RET: variants seen among roughly 807,000 people sequenced by gnomAD.
RET encodes proto-oncogene tyrosine-protein kinase receptor Ret.
A neutral mutation model predicts 118.3 loss-of-function variants in RET; 19 were observed. The ratio of observed to expected loss-of-function variants is 0.16; its 90% CI spans 0.11 to 0.24. The LOEUF (loss-of-function observed/expected upper bound fraction) is 0.24. Among genes scored for constraint, RET ranks in the 10% least tolerant of loss-of-function variants. RET has a pLI of 1.00. For synonymous variants in RET, 597 were observed against 644.1 expected (o/e 0.93, Z 1.11); for missense variants, 1,219 against 1,502.1 (o/e 0.81, Z 3.12).
chr10:43,083,437 T>C (rs1837228650), intron 1 of RET, among the ~76,000 whole-genome samples: 4 of 152,218 alleles, frequency 2.6e-5, no homozygotes, highest in Admixed American at 2.6e-4. Context: ...GCATGGCCCT[T>C]ACCCACTGGG....
intron 12 of RET, among the ~76,000 whole-genome samples, chr10:43,117,107 A>G (rs1838090231): frequency 1.3e-5 from 2 of 151,754 alleles, no homozygotes; most frequent in Non-Finnish European, 2.9e-5. Context: ...ATCTCAAGAG[A>G]CCCCCATGGG....
chr10:43,105,464 C>G (rs1837749041), intron 4 of RET, among the ~76,000 whole-genome samples: 1 of 152,078 alleles, frequency 6.6e-6, no homozygotes, highest in Non-Finnish European at 1.5e-5. Context: ...TGCAGGCGGG[C>G]GCGGCGCGCT....
intron 1 of RET, among the ~76,000 whole-genome samples, chr10:43,094,992 C>T (rs767554172): frequency 4.6e-5 from 7 of 152,070 alleles, no homozygotes; most frequent in Non-Finnish European, 1.0e-4. Flanking sequence ...GCAGTAACAT[C>T]AGAGGCACTA....
chr10:43,123,571 G>A (rs1588879428), intron 16 of RET, 100 bp from the exon 17 acceptor site: 1 of 1,493,752 alleles, frequency 6.7e-7, no homozygotes, highest in Non-Finnish European at 9.3e-7. Flanking sequence ...AAGCCGACAG[G>A]GTCAGCAGGT....
intron 7 of RET, among the ~76,000 whole-genome samples, chr10:43,111,821 TC>T (rs1564494701): frequency 6.6e-6 from 1 of 152,200 alleles, no homozygotes; most frequent in African/African-American, 2.4e-5. Context: ...GAAATGTAGG[TC>T]CCACAGGGCG....
intron 9 of RET, 103 bp from the exon 10 acceptor site, chr10:43,113,453 A>G: frequency 7.3e-7 from 1 of 1,367,050 alleles, no homozygotes; most frequent in Non-Finnish European, 9.7e-7. Flanking sequence ...TATGCTTGCG[A>G]CACCAGTTGG....
chr10:43,100,979 C>G (rs186842483), intron 2 of RET, among the ~76,000 whole-genome samples: 1 of 152,346 alleles, frequency 6.6e-6, no homozygotes, highest in African/African-American at 2.4e-5. Context: ...CTGCCAGACC[C>G]GAATCCCTCT....
intron 16 of RET, 151 bp from the exon 17 acceptor site, chr10:43,123,520 G>A (rs1838263034): frequency 9.4e-7 from 1 of 1,064,328 alleles, no homozygotes; most frequent in African/African-American, 1.6e-5. Flanking sequence ...ATCCATCTGA[G>A]CAGCCAGACC....
chr10:43,123,890 C>T (rs1838273433), intron 17 of RET, 82 bp downstream of exon 17: 1 of 1,600,676 alleles, frequency 6.2e-7, no homozygotes, highest in Admixed American at 1.7e-5. Flanking sequence ...TCCAGAGCAG[C>T]CCCAGGAGAA....
chr10:43,118,352 C>G (rs758761904), intron 12 of RET, 21 bp from the exon 13 acceptor site: 1 of 1,597,290 alleles, frequency 6.3e-7, no homozygotes, highest in Non-Finnish European at 8.6e-7. Flanking sequence ...CGTTTGCAAC[C>G]TGCTCTGTGC....
intron 2 of RET, among the ~76,000 whole-genome samples, chr10:43,101,399 T>G (rs1837639982): frequency 6.6e-6 from 1 of 152,224 alleles, no homozygotes. Context: ...AGGCTATGAA[T>G]GCAGAGCAGG....
chr10:43,107,559 T>TCACACACA lies in RET; in HGVS notation c.1063+1024_1063+1031dup, dbSNP rs59876947. 3.5e-3 allele frequency among the ~76,000 whole-genome samples: 498 copies of TCACACACA among 140,810 alleles called. 1 individual carries two copies. Among genetic ancestry groups the TCACACACA allele is most frequent in the Non-Finnish European group, 5.0e-3 (328 of 65,042 alleles). 92.4% of individuals were successfully genotyped at this position (140,810 alleles called of 152,430 possible). The stretch of plus-strand genomic sequence containing the variant: ...ATGTAGACCTTTAACCCCCCATGCC[T>TCACACACA]CACACACACACACACACACACACAC... On this transcript the variant is annotated intron_variant, in intron 5 of 19. Coordinates refer to ENST00000355710, the MANE Select transcript of RET (RefSeq NM_020975.6).
Position 43,116,681 on chromosome 10 carries a change from A to C in RET, c.2234A>C (p.His745Pro), listed in dbSNP as rs534094626. 6.2e-7 allele frequency: 1 copy of C among 1,612,618 alleles called. No homozygotes were observed. Among genetic ancestry groups the C allele is most frequent in the Non-Finnish European group, 8.5e-7 (1 of 1,179,118 alleles). The stretch of plus-strand genomic sequence containing the variant: ...AAAGTGGTCAAGGCAACGGCCTTCC[A>C]TCTGAAAGGCAGAGCAGGGTACACC... ...FGKVVKATAF[H>P]LKGRAGYTTV... Residue 745 changes from histidine to proline, a missense_variant, in exon 12 of 20, where the codon CAT becomes CCT. By Grantham distance (77) the His-to-Pro change is moderately conservative. Coordinates refer to ENST00000355710, the MANE Select transcript of RET (RefSeq NM_020975.6).
chr10:43,119,864 C>T (rs1838169468), intron 14 of RET, 119 bp downstream of exon 14: 1 of 1,305,552 alleles, frequency 7.7e-7, no homozygotes, highest in African/African-American at 1.5e-5. Context: ...TCTAGCCCAC[C>T]ATGCCCCTGC....
At chr10:43,102,798 G>T (rs1716941833) in intron 3 of RET, 169 bp downstream of exon 3, 3 of 779,072 alleles carry the variant, frequency 3.9e-6, no homozygotes, top group Non-Finnish European at 6.3e-6. Flanking sequence ...TACTGTTCTA[G>T]GAGCTAAGGA....
rs897673857 is a variant in RET, at chr10:43,127,034, G to A, written c.3187+312G>A. 5.7e-5 allele frequency: 74 copies of A among 1,291,760 alleles called. 4 individuals are homozygous for A. The highest frequency in any genetic ancestry group is 3.9e-6 in the Non-Finnish European group (4 of 1,016,350). 80.0% of individuals were successfully genotyped at this position (1,291,760 alleles called of 1,614,324 possible). A position where few individuals can be genotyped will look rare whatever the true frequency, so the allele number is the denominator to read the frequency against. ...AGAACAGGTTGAATAAGGCGCTTCT[G>A]GGGTGGGAATCAAGTCATAGTACTT... On this transcript the variant is annotated intron_variant, in intron 19 of 19. Transcript: ENST00000355710.
At chr10:43,122,431 G>A (rs1330649832) in intron 16 of RET, among the ~76,000 whole-genome samples, 1 of 152,156 alleles carries the variant, frequency 6.6e-6, no homozygotes, top group Non-Finnish European at 1.5e-5. Context: ...TGGAGCTTGG[G>A]GACTCCACCT....
rs78014899 is a variant in RET, at chr10:43,118,392, G to C, written c.2304G>C (p.Glu768Asp). The change falls in exon 13 of 20, where the codon GAG (glutamate) becomes GAC (aspartate). Residue 768 changes from glutamate to aspartate, a missense_variant. Glu to Asp is a conservative substitution (Grantham distance 45). Coordinates refer to ENST00000355710, the MANE Select transcript of RET (RefSeq NM_020975.6). Reference protein sequence around the residue: ...KMLKENASPSELRDLLSEFNV... With the variant: ...KMLKENASPSDLRDLLSEFNV... ...TTTCAGAGAACGCCTCCCCGAGTGA[G>C]CTGCGAGACCTGCTGTCAGAGTTCA... The C allele has an allele frequency of 6.2e-7, 1 of 1,614,122 alleles. No homozygotes were observed. Among genetic ancestry groups the C allele is most frequent in the Non-Finnish European group, 8.5e-7 (1 of 1,180,002 alleles).
intron 3 of RET, among the ~76,000 whole-genome samples, chr10:43,104,351 T>C (rs1837709575): frequency 6.6e-6 from 1 of 150,684 alleles, no homozygotes; most frequent in South Asian, 2.1e-4. Flanking sequence ...AGGCCGTCCC[T>C]ACTAAAAATA....
Sources: allele counts gnomAD v4.1 joint callset (sites outside exome capture counted in the v4.1 genomes callset), GRCh38; gene constraint gnomAD v4.1.1; transcripts MANE v1.5; gene names NCBI Gene and HGNC (gene_info 2026-07-23, HGNC 2026-07-21).